Variants in KPNA7 observed in about 807,000 individuals in gnomAD.
The protein encoded by KPNA7 is karyopherin subunit alpha 7, also known as importin subunit alpha-8.
KPNA7 carries 54 observed loss-of-function variants against 53.7 expected under a neutral mutation model. The observed-to-expected ratio is 1.01, with a 90% CI of 0.81 to 1.26. The LOEUF (loss-of-function observed/expected upper bound fraction) is 1.26, where lower values mean the gene tolerates loss of function less well. Among genes scored for constraint, KPNA7 ranks in the 50% most tolerant of loss-of-function variants. The pLI is 0.00. For missense variants in KPNA7, 640 were observed against 644.5 expected (o/e 0.99, Z 0.07); for synonymous variants, 276 against 259.3 (o/e 1.06, Z -0.62).
intron 10 of KPNA7, among the ~76,000 whole-genome samples, chr7:99,174,790 C>A (rs1374419114): frequency 1.3e-5 from 2 of 151,596 alleles, no homozygotes; most frequent in Admixed American, 6.6e-5. Context: ...GATCAAACCC[C>A]CTTTAAAAGA....
the KPNA7 span, among the ~76,000 whole-genome samples, chr7:99,160,155 G>A: frequency 6.7e-6 from 1 of 150,336 alleles, no homozygotes; most frequent in Non-Finnish European, 1.5e-5. Context: ...CTCCTGAGTA[G>A]CTGGGACTAC....
chr7:99,185,105 T>G lies in KPNA7; in HGVS notation c.958A>C (p.Met320Leu). 1.3e-6 allele frequency: 2 copies of G among 1,552,014 alleles called. No individual in the cohort carries two copies. The highest frequency in any genetic ancestry group is 1.7e-6 in the Non-Finnish European group (2 of 1,147,070). ...IVTGTDEQTQ[M>L]AIDAGMLNVL... ...TTCAGCATACCCGCATCAATGGCCA[T>G]CTGCGTCTGCTCATCTGTGCCCGTG... Residue 320 changes from methionine to leucine, a missense_variant, in exon 8 of 11, where the codon ATG (methionine) becomes CTG (leucine). Met to Leu is a conservative substitution (Grantham distance 15). Coordinates refer to ENST00000327442, the MANE Select transcript of KPNA7 (RefSeq NM_001145715.3).
chr7:99,178,926 G>A lies in KPNA7; in HGVS notation c.1318-860C>T, dbSNP rs372097907. 2.6e-5 allele frequency among the ~76,000 whole-genome samples: 4 copies of A among 152,030 alleles called. No homozygotes were observed. The East Asian group carries it at 5.8e-4, about 22-fold the overall frequency. On this transcript the variant is annotated intron_variant, in intron 9 of 10. Coordinates refer to ENST00000327442, the MANE Select transcript of KPNA7 (RefSeq NM_001145715.3). ...GTTTCCCAAGTTGCTGAAACTACAG[G>A]TACATGCCATGCCAGGCTTTTTTGT...
At chr7:99,202,877 C>T (rs1159464533) in intron 3 of KPNA7, among the ~76,000 whole-genome samples, 1 of 142,888 alleles carries the variant, frequency 7.0e-6, no homozygotes, top group Non-Finnish European at 1.6e-5. Flanking sequence ...AATAAAAATC[C>T]TCTCCATCCC....
chr7:99,186,257 A>G (rs1457971831), intron 7 of KPNA7, among the ~76,000 whole-genome samples: 2 of 152,182 alleles, frequency 1.3e-5, no homozygotes, highest in Non-Finnish European at 2.9e-5. Flanking sequence ...ATTGGGCTCA[A>G]AACAACAACT....
At chr7:99,166,026 C>T in the KPNA7 span, among the ~76,000 whole-genome samples, 1 of 152,084 alleles carries the variant, frequency 6.6e-6, no homozygotes. Context: ...TCTCTCTCTT[C>T]CTTCTGCTCT....
chr7:99,179,765 A>G (rs1347079468), intron 9 of KPNA7, among the ~76,000 whole-genome samples: 3 of 151,202 alleles, frequency 2.0e-5, no homozygotes, highest in Non-Finnish European at 4.4e-5. Flanking sequence ...TTTTGTAGAG[A>G]TGGGGTTTCA....
At chr7:99,160,594 T>C in the KPNA7 span, among the ~76,000 whole-genome samples, 1 of 152,212 alleles carries the variant, frequency 6.6e-6, no homozygotes, top group South Asian at 2.1e-4. Flanking sequence ...CCAGCCATCA[T>C]CCAGTAAATT....
At chr7:99,187,799 T>TAAAA (rs55867906) in intron 7 of KPNA7, among the ~76,000 whole-genome samples, 2 of 65,108 alleles carry the variant, frequency 3.1e-5, no homozygotes, top group African/African-American at 1.6e-4. Flanking sequence ...CCTTTTTTTT[T>TAAAA]AAAAAAAAAA....
the KPNA7 span, among the ~76,000 whole-genome samples, chr7:99,162,820 G>T: frequency 6.6e-6 from 1 of 151,812 alleles, no homozygotes; most frequent in Non-Finnish European, 1.5e-5. Flanking sequence ...TACAATCTAC[G>T]AATAGGGGGA....
At chr7:99,160,008 G>GTTGTTT in the KPNA7 span, among the ~76,000 whole-genome samples, 11 of 116,746 alleles carry the variant, frequency 9.4e-5, no homozygotes, top group East Asian at 1.6e-3. Flanking sequence ...TTTCTCCTCT[G>GTTGTTT]TTGTTTTTGT....
Position 99,195,241 on chromosome 7 carries a change from G to A in KPNA7, c.382C>T (p.Pro128Ser), listed in dbSNP as rs756987424. 2 of 1,551,602 alleles carry A rather than the reference G, an allele frequency of 1.3e-6. No individual in the cohort carries two copies. Among genetic ancestry groups the A allele is most frequent in the South Asian group, 2.4e-5 (2 of 84,058 alleles). The change falls in exon 5 of 11, where the codon CCC becomes TCC. Residue 128 changes from proline (P) to serine (S), a missense_variant. Pro to Ser is a moderately conservative substitution (Grantham distance 74, BLOSUM62 -1). Transcript: ENST00000327442. ...MVEFLKSSLY[P>S]CLQFEAAWAL... Reference sequence around the variant, plus strand: ...CAGGCAGCCTCAAACTGCAAGCAGGGGTAAAGTGATGACTTCAGGAACTCC... The same window carrying A: ...CAGGCAGCCTCAAACTGCAAGCAGGAGTAAAGTGATGACTTCAGGAACTCC...
chr7:99,203,205 C>G lies in KPNA7; in HGVS notation c.102G>C (p.Glu34Asp), dbSNP rs1440910864. The G allele has an allele frequency of 1.3e-6, 2 of 1,551,696 alleles. No homozygotes were observed. Among genetic ancestry groups the G allele is most frequent in the Admixed American group, 3.9e-5 (2 of 50,978 alleles). Reference sequence around the variant, plus strand: ...GTTCATCTTTCTTGGCCTTTCGGAGCTCCAGACTGACCGCCATCCTCTGCT... The same window carrying G: ...GTTCATCTTTCTTGGCCTTTCGGAGGTCCAGACTGACCGCCATCCTCTGCT... ...RRQQRMAVSLELRKAKKDEQT... is the reference protein window; with the variant it reads ...RRQQRMAVSLDLRKAKKDEQT... The change falls in exon 3 of 11, where the codon GAG becomes GAC. Residue 34 changes from glutamate (E) to aspartate (D), a missense_variant. Transcript: ENST00000327442.
At chr7:99,161,087 C>A in the KPNA7 span, among the ~76,000 whole-genome samples, 1 of 152,168 alleles carries the variant, frequency 6.6e-6, no homozygotes, top group South Asian at 2.1e-4. Flanking sequence ...GTCTCGAGCT[C>A]CTAACCTCAA....
intron 1 of KPNA7, among the ~76,000 whole-genome samples, chr7:99,216,960 G>T (rs1563095031): frequency 6.6e-6 from 1 of 152,072 alleles, no homozygotes; most frequent in Non-Finnish European, 1.5e-5. Flanking sequence ...GGCATTTCAG[G>T]CCATTTTTGA....
intron 3 of KPNA7, among the ~76,000 whole-genome samples, chr7:99,201,305 G>GA: frequency 6.6e-6 from 1 of 152,230 alleles, no homozygotes; most frequent in Middle Eastern, 3.4e-3. Flanking sequence ...GACTATGCTA[G>GA]AAACCACTGA....
intron 2 of KPNA7, among the ~76,000 whole-genome samples, chr7:99,205,027 T>C (rs1193279186): frequency 6.6e-6 from 1 of 152,142 alleles, no homozygotes; most frequent in Non-Finnish European, 1.5e-5. Flanking sequence ...CCCTTCCTGT[T>C]GCTGTGAAGA....
chr7:99,158,223 T>A, the KPNA7 span, among the ~76,000 whole-genome samples: 1 of 152,136 alleles, frequency 6.6e-6, no homozygotes, highest in African/African-American at 2.4e-5. Flanking sequence ...TTCACAATGA[T>A]ATGCTTTGGC....
intron 3 of KPNA7, among the ~76,000 whole-genome samples, chr7:99,197,850 A>C (rs1306366633): frequency 6.6e-6 from 1 of 152,220 alleles, no homozygotes; most frequent in Non-Finnish European, 1.5e-5. Flanking sequence ...GTGGGACATC[A>C]TCAAGGATAC....
Sources: allele counts gnomAD v4.1 joint callset (sites outside exome capture counted in the v4.1 genomes callset), GRCh38; gene constraint gnomAD v4.1.1; transcripts MANE v1.5; gene names NCBI Gene and HGNC (gene_info 2026-07-23, HGNC 2026-07-21).